Variants in CHL1 observed in about 807,000 individuals in gnomAD.
CHL1 encodes cell adhesion molecule L1 like, also known as neural cell adhesion molecule L1-like protein.
CHL1 carries 96 observed loss-of-function variants against 141.9 expected under a neutral mutation model. The observed-to-expected ratio is 0.68, with a 90% confidence interval of 0.57 to 0.80. The LOEUF is 0.80. Among genes scored for constraint, CHL1 ranks in the 30% least tolerant of loss-of-function variants. The pLI is 0.00. For synonymous variants in CHL1, 613 were observed against 502.2 expected, an observed-to-expected ratio of 1.22 and a Z score of -2.95; for missense variants, 1,820 against 1,457.2, an observed-to-expected ratio of 1.25 and a Z score of -4.05.
At chr3:341,272 A>T (rs1483675283) in intron 6 of CHL1, among the ~76,000 whole-genome samples, 1 of 152,164 alleles carries the variant, frequency 6.6e-6, no homozygotes, top group Non-Finnish European at 1.5e-5. Context: ...GCTGACTCTG[A>T]TCTGAAAATC....
At position 409,143 on chromosome 3, in the gene CHL1, T is replaced by C. The variant is rs930601848; in HGVS notation, c.*3432T>C. Reference sequence around the variant, plus strand: ...AGTATATATCCTAGTGTTCCTATAGTGAAATAAGTAGGGTTCAGCCAAAGC... The same window carrying C: ...AGTATATATCCTAGTGTTCCTATAGCGAAATAAGTAGGGTTCAGCCAAAGC... On this transcript the variant is annotated 3_prime_UTR_variant, in exon 28 of 28. Transcript: ENST00000256509. 1.3e-4 allele frequency: 20 copies of C among 152,102 alleles called. No individual in the cohort carries two copies. Among genetic ancestry groups the C allele is most frequent in the Admixed American group, 1.1e-3 (17 of 15,246 alleles). 9.4% of individuals were successfully genotyped at this position (152,102 alleles called of 1,614,324 possible). A position where few individuals can be genotyped will look rare whatever the true frequency, so the allele number is the denominator to read the frequency against.
At chr3:315,649 G>T (rs980049217) in intron 2 of CHL1, among the ~76,000 whole-genome samples, 21 of 151,982 alleles carry the variant, frequency 1.4e-4, no homozygotes, top group Non-Finnish European at 2.8e-4. Flanking sequence ...TAGGAGGTAC[G>T]CACGCTTGTC....
At chr3:216,631 A>C (rs1304108966) in intron 1 of CHL1, among the ~76,000 whole-genome samples, 1 of 152,220 alleles carries the variant, frequency 6.6e-6, no homozygotes, top group Non-Finnish European at 1.5e-5. Flanking sequence ...TATCACTGCC[A>C]ACTACCCATG....
chr3:384,016 G>A, intron 19 of CHL1, 130 bp downstream of exon 19: 2 of 574,628 alleles, frequency 3.5e-6, no homozygotes, highest in Non-Finnish European at 3.0e-6. Flanking sequence ...AAATTAACTT[G>A]TGAGTCATCA....
In CHL1 at chr3:389,408, C is replaced by A. The variant is rs1452116293; in HGVS notation, c.2404C>A (p.Gln802Lys). The change falls in exon 20 of 28, where the codon CAG becomes AAG. Residue 802 changes from glutamine to lysine, a missense_variant. Physicochemically the swap from Gln to Lys is moderately conservative, Grantham distance 53. Coordinates refer to ENST00000256509, the MANE Select transcript of CHL1 (RefSeq NM_006614.4). The stretch of plus-strand genomic sequence containing the variant: ...CTATGCCCCTTATGATGTCAAGGTC[C>A]AGGCTATCAATCAACTAGGATCTGG... ...AVYAPYDVKVQAINQLGSGPD... is the reference protein window; with the variant it reads ...AVYAPYDVKVKAINQLGSGPD... 8.7e-6 allele frequency: 14 copies of A among 1,614,074 alleles called. No individual in the cohort carries two copies. The highest frequency in any genetic ancestry group is 1.1e-5 in the Non-Finnish European group (13 of 1,180,044).
chr3:200,075 C>T (rs1273744962), intron 1 of CHL1, among the ~76,000 whole-genome samples: 2 of 152,162 alleles, frequency 1.3e-5, no homozygotes, highest in African/African-American at 2.4e-5. Flanking sequence ...GTGACAGCTT[C>T]TCTGAAATTC....
At chr3:249,995 C>G (rs942757568) in intron 2 of CHL1, among the ~76,000 whole-genome samples, 2 of 151,242 alleles carry the variant, frequency 1.3e-5, no homozygotes, top group Non-Finnish European at 2.9e-5. Flanking sequence ...TGAGACATGT[C>G]TCACTCTGTC....
intron 26 of CHL1, among the ~76,000 whole-genome samples, chr3:401,420 A>T (rs1709124362): frequency 6.6e-6 from 1 of 152,226 alleles, no homozygotes; most frequent in Non-Finnish European, 1.5e-5. Flanking sequence ...CGACAAGTAG[A>T]ACCCCCCAAA....
intron 1 of CHL1, among the ~76,000 whole-genome samples, chr3:229,745 C>T (rs1420898119): frequency 6.6e-6 from 1 of 152,066 alleles, no homozygotes; most frequent in East Asian, 1.9e-4. Flanking sequence ...TATTCTTTTA[C>T]ATGGTTTTGA....
intron 9 of CHL1, among the ~76,000 whole-genome samples, chr3:345,831 T>G (rs1702725623): frequency 6.6e-6 from 1 of 152,214 alleles, no homozygotes. Context: ...AGGACCTCAC[T>G]TGGTCACCTC....
At chr3:390,431 A>T (rs1708126974) in intron 20 of CHL1, among the ~76,000 whole-genome samples, 1 of 152,250 alleles carries the variant, frequency 6.6e-6, no homozygotes, top group African/African-American at 2.4e-5. Context: ...CAAAGGCAAG[A>T]TGCCCACAGA....
At chr3:310,767 C>T (rs927247332) in intron 2 of CHL1, among the ~76,000 whole-genome samples, 2 of 152,096 alleles carry the variant, frequency 1.3e-5, no homozygotes, top group East Asian at 1.9e-4. Flanking sequence ...AGTTTACATT[C>T]GGGTTTCTTT....
intron 5 of CHL1, among the ~76,000 whole-genome samples, chr3:338,900 T>A (rs1159323571): frequency 1.3e-5 from 2 of 152,166 alleles, no homozygotes; most frequent in African/African-American, 4.8e-5. Context: ...AATTGCTAGG[T>A]TTTTTTTAAC....
chr3:250,506 C>T (rs1350755810), intron 2 of CHL1, among the ~76,000 whole-genome samples: 1 of 151,914 alleles, frequency 6.6e-6, no homozygotes. Flanking sequence ...AGATCTATCT[C>T]AGTACTGAGT....
intron 2 of CHL1, among the ~76,000 whole-genome samples, chr3:276,043 G>A (rs181951734): frequency 2.0e-5 from 3 of 151,802 alleles, no homozygotes; most frequent in Admixed American, 2.0e-4. Flanking sequence ...AAGAGTTGGG[G>A]TTAAAGATAT....
intron 14 of CHL1, 188 bp downstream of exon 14, chr3:363,571 T>C: frequency 1.9e-6 from 1 of 522,290 alleles, no homozygotes; most frequent in Non-Finnish European, 3.4e-6. Flanking sequence ...GCCCATGATA[T>C]GTGCACAGCT....
In CHL1 at chr3:340,774, A is replaced by T; in HGVS notation, c.386-20A>T. On this transcript the variant is annotated intron_variant, in intron 5 of 27. Coordinates refer to ENST00000256509, the MANE Select transcript of CHL1 (RefSeq NM_006614.4). ...AAAGTTAATTTTAAAATAACACATT[A>T]AAATGATTTTTTACACCAGGTGTTC... 6.3e-7 allele frequency: 1 copy of T among 1,584,954 alleles called. No individual in the cohort carries two copies. Among genetic ancestry groups the T allele is most frequent in the African/African-American group, 1.4e-5 (1 of 74,054 alleles).
At chr3:295,714 A>C (rs190709760) in intron 2 of CHL1, among the ~76,000 whole-genome samples, 5 of 152,332 alleles carry the variant, frequency 3.3e-5, no homozygotes, top group Admixed American at 1.3e-4. Flanking sequence ...ACAATTAAAC[A>C]CAATTTTCTA....
chr3:223,894 C>T (rs780142527), intron 1 of CHL1, among the ~76,000 whole-genome samples: 19 of 152,106 alleles, frequency 1.2e-4, no homozygotes, highest in Non-Finnish European at 2.2e-4. Context: ...GGTGGGAGCT[C>T]CAGGACTGGT....
Sources: gnomAD v4.1 joint callset for allele counts (sites outside exome capture counted in the v4.1 genomes callset) on GRCh38, gnomAD v4.1.1 for gene constraint, MANE v1.5 for transcripts, NCBI Gene and HGNC (gene_info 2026-07-23, HGNC 2026-07-21) for gene names.